The following PITRM1 variants were observed in gnomAD, a reference collection of about 807,000 sequenced individuals.
The protein encoded by PITRM1 is presequence protease, mitochondrial.
Under a neutral mutation model 129.9 loss-of-function variants are expected in PITRM1, and 100 were observed. The observed-to-expected ratio is 0.77, with a 90% confidence interval of 0.65 to 0.91. The LOEUF is 0.91. Among genes scored for constraint, PITRM1 ranks in the 40% least tolerant of loss-of-function variants. PITRM1 has a pLI of 0.00. For synonymous variants in PITRM1, 591 were observed against 508.8 expected, an observed-to-expected ratio of 1.16 and a Z score of -2.17; for missense variants, 1,471 against 1,318.3, an observed-to-expected ratio of 1.12 and a Z score of -1.79.
At chr10:3,171,635 C>G (rs1412036799) in intron 1 of PITRM1, among the ~76,000 whole-genome samples, 1 of 152,186 alleles carries the variant, frequency 6.6e-6, no homozygotes, top group Non-Finnish European at 1.5e-5. Context: ...GAGACAGTTT[C>G]ACCATGTCGG....
At chr10:3,143,087 A>T (rs1023362244) in intron 23 of PITRM1, 1 of 312,814 alleles carries the variant, frequency 3.2e-6, no homozygotes, top group Non-Finnish European at 5.9e-6. Context: ...CCTAGAGATG[A>T]GGTGAGTACA....
At chr10:3,138,771 G>T in intron 25 of PITRM1, 133 bp downstream of exon 25, 1 of 872,352 alleles carries the variant, frequency 1.1e-6, no homozygotes, top group Non-Finnish European at 2.0e-6. Flanking sequence ...TGTCAGACGT[G>T]GAAATCGTAT....
chr10:3,138,144 G>A lies in PITRM1; in HGVS notation c.3021-20C>T. On this transcript the variant is annotated intron_variant, in intron 26 of 26. Coordinates refer to ENST00000224949, the MANE Select transcript of PITRM1 (RefSeq NM_014889.4). ...AGGTATCTGAGAGGAAGGCAGGCGT[G>A]GTCAGCAAGGACTGGCTTCTGCGTG... 6.3e-7 allele frequency: 1 copy of A among 1,588,738 alleles called. No homozygotes were observed.
rs1487225912 is a variant in PITRM1, at chr10:3,167,004, C to A, written c.198G>T (p.Lys66Asn). The change falls in exon 3 of 27, where the codon AAG (lysine) becomes AAT (asparagine). Residue 66 changes from lysine to asparagine, a missense_variant. By Grantham distance (94) the Lys-to-Asn change is moderately conservative (BLOSUM62 0). Coordinates refer to ENST00000224949, the MANE Select transcript of PITRM1 (RefSeq NM_014889.4). The stretch of plus-strand genomic sequence containing the variant: ...TGGCTCCTGTGTCATCATGGGTGAG[C>A]TTCACTGCAGTCAGGAACAGCTCGG... ...SVPELFLTAV[K>N]LTHDDTGARY... 6.2e-7 allele frequency: 1 copy of A among 1,610,398 alleles called. No individual in the cohort carries two copies. The highest frequency in any genetic ancestry group is 1.3e-5 in the African/African-American group (1 of 74,892).
chr10:3,167,708 T>C (rs948111870), intron 2 of PITRM1: 2 of 152,406 alleles, frequency 1.3e-5, no homozygotes, highest in African/African-American at 4.8e-5. Flanking sequence ...TGTGTGTCTG[T>C]TTCTGTGCAT....
At chr10:3,151,948 A>G (rs577281762) in intron 14 of PITRM1, among the ~76,000 whole-genome samples, 1 of 151,766 alleles carries the variant, frequency 6.6e-6, no homozygotes, top group African/African-American at 2.4e-5. Flanking sequence ...AGGTTTTGCC[A>G]TGTTGCCCAG....
In PITRM1 at chr10:3,155,594, T is replaced by C. The variant is rs1246709641; in HGVS notation, c.1618A>G (p.Lys540Glu). The C allele has an allele frequency of 6.2e-7, 1 of 1,613,664 alleles. No individual in the cohort carries two copies. The highest frequency in any genetic ancestry group is 8.5e-7 in the Non-Finnish European group (1 of 1,179,824). ...SPGDRQQIYE[K>E]GLELRSQQSK... ...AGCTCGGAAGGAAGCCTCTGACCTT[T>C]CTCGTAGATCTGCTGCCTGTCTCCG... The change falls in exon 14 of 27, where the codon AAA (lysine) becomes GAA (glutamate). Residue 540 changes from lysine to glutamate, a missense_variant. Lys to Glu is a moderately conservative substitution (Grantham distance 56). Transcript: ENST00000224949.
In PITRM1 at chr10:3,138,141, C is replaced by G; in HGVS notation, c.3021-17G>C. Reference sequence around the variant, plus strand: ...CCGAGGTATCTGAGAGGAAGGCAGGCGTGGTCAGCAAGGACTGGCTTCTGC... The same window carrying G: ...CCGAGGTATCTGAGAGGAAGGCAGGGGTGGTCAGCAAGGACTGGCTTCTGC... On this transcript the variant is annotated splice_polypyrimidine_tract_variant and intron_variant, in intron 26 of 26. Coordinates refer to ENST00000224949, the MANE Select transcript of PITRM1 (RefSeq NM_014889.4). The G allele has an allele frequency of 6.3e-7, 1 of 1,593,146 alleles. No individual in the cohort carries two copies. Among genetic ancestry groups the G allele is most frequent in the Non-Finnish European group, 8.6e-7 (1 of 1,163,728 alleles).
intron 14 of PITRM1, among the ~76,000 whole-genome samples, chr10:3,153,686 G>A (rs1322938608): frequency 6.6e-6 from 1 of 151,912 alleles, no homozygotes; most frequent in East Asian, 1.9e-4. Flanking sequence ...GATAGCAAGA[G>A]TAAGAGCAGG....
chr10:3,162,995 C>T (rs4511200), intron 7 of PITRM1: 99,166 of 151,720 alleles, frequency 0.65, 32,732 homozygotes, highest in Non-Finnish European at 0.71. Context: ...AAAATCCTCA[C>T]GTTTTAGGGT....
chr10:3,138,825 T>C (rs757258643), intron 25 of PITRM1, 79 bp downstream of exon 25: 3 of 1,375,722 alleles, frequency 2.2e-6, no homozygotes, highest in Non-Finnish European at 2.1e-6. Context: ...CTCCTGCCCA[T>C]GCATGCCGGG....
chr10:3,144,125 G>A, intron 22 of PITRM1, 167 bp downstream of exon 22: 1 of 605,886 alleles, frequency 1.7e-6, no homozygotes, highest in Non-Finnish European at 2.9e-6. Context: ...GTCTGAGAGA[G>A]AAAAGGCTCA....
intron 19 of PITRM1, 139 bp from the exon 20 acceptor site, chr10:3,147,389 C>A: frequency 1.1e-6 from 1 of 934,630 alleles, no homozygotes; most frequent in South Asian, 1.5e-5. Context: ...AGGGCTGGAA[C>A]TGGGATGCAG....
intron 7 of PITRM1, among the ~76,000 whole-genome samples, chr10:3,161,429 C>T (rs907038922): frequency 6.6e-6 from 1 of 152,150 alleles, no homozygotes; most frequent in Non-Finnish European, 1.5e-5. Flanking sequence ...ACTATATAGC[C>T]TGAGCTATGG....
In PITRM1 at chr10:3,165,400, A is replaced by T. The variant is rs1448976150; in HGVS notation, c.533+13T>A. On this transcript the variant is annotated intron_variant, in intron 5 of 26. Transcript: ENST00000224949. ...TAAAGTCTGTATCAACTAGTTAATC[A>T]TTCATGACATACCAGAAATCCAGCT... 1 of 1,609,160 alleles carries T rather than the reference A, an allele frequency of 6.2e-7. No homozygotes were observed.
chr10:3,162,063 TCAGGAGGCTGAGGTGGCC>T (rs977963367), intron 7 of PITRM1, among the ~76,000 whole-genome samples: 6 of 150,318 alleles, frequency 4.0e-5, no homozygotes, highest in Non-Finnish European at 5.9e-5. Context: ...TCCCAGCTAC[TCAGGAGGCTGAGGTGGCC>T]CAGGAGGCTG....
chr10:3,167,079 G>T, intron 2 of PITRM1, 37 bp from the exon 3 acceptor site: 1 of 1,278,294 alleles, frequency 7.8e-7, no homozygotes, highest in South Asian at 1.3e-5. Flanking sequence ...GTTAAACTTA[G>T]ACAAAATGGC....
At chr10:3,152,532 T>C (rs1208840949) in intron 14 of PITRM1, among the ~76,000 whole-genome samples, 1 of 152,196 alleles carries the variant, frequency 6.6e-6, no homozygotes, top group East Asian at 1.9e-4. Context: ...GGTGCCCCAC[T>C]GTGGGCTCCA....
rs781640717 is a variant in PITRM1, at chr10:3,143,519, G to A, written c.2533-18C>T. On this transcript the variant is annotated intron_variant, in intron 22 of 26. Transcript: ENST00000224949. Reference sequence around the variant, plus strand: ...GTGGGTTCCTGAGGGACACGGTATGGTCAGAGGCGGCTGTGCTGCCATGCA... The same window carrying A: ...GTGGGTTCCTGAGGGACACGGTATGATCAGAGGCGGCTGTGCTGCCATGCA... 2 of 1,548,432 alleles carry A rather than the reference G, an allele frequency of 1.3e-6. No homozygotes were observed. The highest frequency in any genetic ancestry group is 2.2e-5 in the East Asian group (1 of 44,560).
Sources: allele counts gnomAD v4.1 joint callset (sites outside exome capture counted in the v4.1 genomes callset), GRCh38; gene constraint gnomAD v4.1.1; transcripts MANE v1.5; gene names NCBI Gene and HGNC (gene_info 2026-07-23, HGNC 2026-07-21).